Variants in LRRC7 observed in about 807,000 individuals in gnomAD.
LRRC7 encodes the protein leucine-rich repeat-containing protein 7.
Under a neutral mutation model 175.7 loss-of-function variants are expected in LRRC7, and 23 were observed. That is an observed-to-expected ratio of 0.13 (90% CI 0.09 to 0.19). The LOEUF is 0.19. Among genes scored for constraint, LRRC7 ranks in the 10% least tolerant of loss-of-function variants. LRRC7 has a pLI of 1.00. For synonymous variants in LRRC7, 685 were observed against 680.9 expected (o/e 1.01, Z -0.09); for missense variants, 1,354 against 1,904.7 (o/e 0.71, Z 5.38).
At chr1:69,834,908 C>G (rs758810195) in intron 6 of LRRC7, 39 bp downstream of exon 6, 20 of 1,520,600 alleles carry the variant, frequency 1.3e-5, no homozygotes, top group Non-Finnish European at 1.7e-5. Context: ...TTATATCTCA[C>G]CTTAGGTAAG....
Position 69,998,947 on chromosome 1 carries a change from G to A in LRRC7, c.1004+4314G>A, listed in dbSNP as rs139605220. ...GAGCTCCCGTCACATCCCAGAGTGA[G>A]TTCCTGCCTCTGACCTTCACCAGCA... is the stretch of plus-strand genomic sequence containing the variant. On this transcript the variant is annotated intron_variant, in intron 11 of 26. Coordinates refer to ENST00000651989, the MANE Select transcript of LRRC7 (RefSeq NM_001370785.2). 6.4e-4 allele frequency among the ~76,000 whole-genome samples: 97 copies of A among 152,292 alleles called. 2 individuals carry two copies. Among genetic ancestry groups the A allele is most frequent in the African/African-American group, 2.1e-3 (89 of 41,584 alleles).
intron 23 of LRRC7, among the ~76,000 whole-genome samples, chr1:70,062,780 G>A (rs1177014247): frequency 1.3e-5 from 2 of 151,864 alleles, no homozygotes; most frequent in Non-Finnish European, 2.9e-5. Context: ...GAAGAGCTAG[G>A]ATAATATATT....
At chr1:69,613,733 C>A (rs1483710824) in intron 1 of LRRC7, among the ~76,000 whole-genome samples, 2 of 151,960 alleles carry the variant, frequency 1.3e-5, no homozygotes, top group East Asian at 3.9e-4. Context: ...TTGGGCAAAG[C>A]AACATGTTTC....
intron 1 of LRRC7, among the ~76,000 whole-genome samples, chr1:69,613,793 A>T (rs1032713195): frequency 6.6e-6 from 1 of 152,050 alleles, no homozygotes; most frequent in Non-Finnish European, 1.5e-5. Flanking sequence ...GATTGCCTCA[A>T]ACCATTATAA....
At chr1:69,765,069 A>G (rs1389316004) in intron 3 of LRRC7, among the ~76,000 whole-genome samples, 2 of 152,074 alleles carry the variant, frequency 1.3e-5, no homozygotes, top group Non-Finnish European at 2.9e-5. Context: ...TTCTGACCCT[A>G]CACACTTACA....
chr1:70,042,466 T>C (rs1002439879), intron 21 of LRRC7, among the ~76,000 whole-genome samples: 1 of 152,220 alleles, frequency 6.6e-6, no homozygotes, highest in South Asian at 2.1e-4. Flanking sequence ...GTCTTGGACA[T>C]TGGATAAGCA....
intron 8 of LRRC7, among the ~76,000 whole-genome samples, chr1:69,978,251 C>T (rs2101883127): frequency 6.6e-6 from 1 of 151,010 alleles, no homozygotes; most frequent in Non-Finnish European, 1.5e-5. Context: ...CCACTGCACT[C>T]CAGCCTGGGT....
At chr1:69,989,971 A>G (rs895807488) in intron 10 of LRRC7, among the ~76,000 whole-genome samples, 2 of 152,140 alleles carry the variant, frequency 1.3e-5, no homozygotes, top group African/African-American at 2.4e-5. Context: ...GCGGAGTAAT[A>G]TCTTCAAAGT....
chr1:69,683,710 G>T (rs963619563), intron 2 of LRRC7, among the ~76,000 whole-genome samples: 9 of 151,986 alleles, frequency 5.9e-5, no homozygotes, highest in Non-Finnish European at 1.2e-4. Context: ...AATACTCTAA[G>T]AAATATCTGC....
chr1:70,012,025 G>C, intron 12 of LRRC7, 99 bp downstream of exon 12: 3 of 746,866 alleles, frequency 4.0e-6, no homozygotes, highest in Non-Finnish European at 6.5e-6. Context: ...CATGAGTTGA[G>C]CTGTGAATAT....
intron 13 of LRRC7, among the ~76,000 whole-genome samples, chr1:70,013,454 A>G (rs906108338): frequency 2.0e-5 from 3 of 151,942 alleles, no homozygotes; most frequent in Admixed American, 2.0e-4. Context: ...GTATGTATGC[A>G]CACATTTGTG....
intron 25 of LRRC7, among the ~76,000 whole-genome samples, chr1:70,097,694 G>A (rs939298149): frequency 6.7e-6 from 1 of 149,448 alleles, no homozygotes. Context: ...TCCCACCTAT[G>A]AGTGAGAATA....
chr1:69,916,066 T>TTATATATATAA, intron 7 of LRRC7, among the ~76,000 whole-genome samples: 1 of 134,118 alleles, frequency 7.5e-6, no homozygotes, highest in Non-Finnish European at 1.5e-5. Context: ...TATGTATATT[T>TTATATATATAA]TATATATATA....
chr1:69,682,830 T>C (rs893389765), intron 2 of LRRC7, among the ~76,000 whole-genome samples: 12 of 152,278 alleles, frequency 7.9e-5, no homozygotes, highest in African/African-American at 2.6e-4. Context: ...CTATAGTCCC[T>C]CTGGTTACTC....
At chr1:69,943,168 T>G (rs2101803146) in intron 8 of LRRC7, among the ~76,000 whole-genome samples, 1 of 152,254 alleles carries the variant, frequency 6.6e-6, no homozygotes, top group East Asian at 1.9e-4. Context: ...AAACCAACAT[T>G]ATTGATAATA....
intron 7 of LRRC7, among the ~76,000 whole-genome samples, chr1:69,922,055 AG>A (rs1400497179): frequency 6.6e-6 from 1 of 152,028 alleles, no homozygotes; most frequent in East Asian, 1.9e-4. Context: ...CCTTCTGAGT[AG>A]CTGGGATTAT....
intron 2 of LRRC7, among the ~76,000 whole-genome samples, chr1:69,703,843 G>A: frequency 6.6e-6 from 1 of 151,952 alleles, no homozygotes; most frequent in South Asian, 2.1e-4. Flanking sequence ...TAGGTAGATA[G>A]TGCAGATAAT....
intron 3 of LRRC7, among the ~76,000 whole-genome samples, chr1:69,773,110 C>CA (rs1228303241): frequency 1.3e-5 from 2 of 151,918 alleles, no homozygotes; most frequent in African/African-American, 4.8e-5. Context: ...TGTATGAGGT[C>CA]AAAATACATT....
At chr1:70,071,807 G>C (rs1317119750) in intron 23 of LRRC7, among the ~76,000 whole-genome samples, 1 of 152,160 alleles carries the variant, frequency 6.6e-6, no homozygotes, top group Non-Finnish European at 1.5e-5. Context: ...TAATAAAACA[G>C]ATGACCAAAT....
Sources: gnomAD v4.1 joint callset for allele counts (sites outside exome capture counted in the v4.1 genomes callset) on GRCh38, gnomAD v4.1.1 for gene constraint, MANE v1.5 for transcripts, NCBI Gene and HGNC (gene_info 2026-07-23, HGNC 2026-07-21) for gene names.